The following DAAM1 variants were observed in gnomAD, a reference collection of about 807,000 sequenced individuals.
DAAM1 encodes disheveled-associated activator of morphogenesis 1.
Under a neutral mutation model 130.0 loss-of-function variants are expected in DAAM1, and 52 were observed. The ratio of observed to expected loss-of-function variants is 0.40; its 90% CI spans 0.32 to 0.50. The LOEUF (loss-of-function observed/expected upper bound fraction) is 0.50, where lower values mean the gene tolerates loss of function less well. Among genes scored for constraint, DAAM1 ranks in the 20% least tolerant of loss-of-function variants. The probability of loss-of-function intolerance (pLI) is 0.61; values close to 1 mark genes in which losing one functional copy is unlikely to be tolerated. For missense variants in DAAM1, 1,134 were observed against 1,303.8 expected (o/e 0.87, Z 2.01); for synonymous variants, 452 against 444.5 (o/e 1.02, Z -0.21).
chr14:59,300,978 T>C (rs538044907), intron 3 of DAAM1, among the ~76,000 whole-genome samples: 53 of 152,322 alleles, frequency 3.5e-4, no homozygotes, highest in Non-Finnish European at 6.3e-4. Context: ...CATGTAGTTA[T>C]TGAGTTGTTT....
chr14:59,363,526 G>A, intron 22 of DAAM1, 125 bp from the exon 23 acceptor site: 1 of 1,390,356 alleles, frequency 7.2e-7, no homozygotes, highest in Non-Finnish European at 9.7e-7. Flanking sequence ...AAATGTTTTA[G>A]AACAAGTTTT....
At chr14:59,198,143 A>T (rs750373546) in intron 1 of DAAM1, among the ~76,000 whole-genome samples, 5 of 151,664 alleles carry the variant, frequency 3.3e-5, no homozygotes, top group African/African-American at 1.2e-4. Flanking sequence ...GGGGACATTC[A>T]CATTGGGGCT....
At chr14:59,307,564 A>C (rs1884420787) in intron 3 of DAAM1, among the ~76,000 whole-genome samples, 1 of 152,186 alleles carries the variant, frequency 6.6e-6, no homozygotes, top group African/African-American at 2.4e-5. Context: ...TTTATTTTTG[A>C]ATACGTGATA....
At chr14:59,234,907 G>T (rs890244547) in intron 1 of DAAM1, among the ~76,000 whole-genome samples, 4 of 152,108 alleles carry the variant, frequency 2.6e-5, no homozygotes, top group East Asian at 1.9e-4. Context: ...TAATCATGTG[G>T]TTTTTTTCCT....
chr14:59,221,989 G>A (rs961337802), intron 1 of DAAM1, among the ~76,000 whole-genome samples: 2 of 152,190 alleles, frequency 1.3e-5, no homozygotes, highest in Non-Finnish European at 2.9e-5. Context: ...TGTCAGAGAA[G>A]CACTACCATA....
chr14:59,325,219 T>TA (rs1885162542), intron 8 of DAAM1, among the ~76,000 whole-genome samples: 1 of 152,188 alleles, frequency 6.6e-6, no homozygotes, highest in South Asian at 2.1e-4. Context: ...TTTGTCTTCA[T>TA]AAAATGTATC....
intron 3 of DAAM1, among the ~76,000 whole-genome samples, chr14:59,310,512 C>T (rs550423068): frequency 4.6e-5 from 7 of 152,194 alleles, no homozygotes; most frequent in African/African-American, 1.4e-4. Flanking sequence ...TATATGATTA[C>T]GGTTCACTTG....
intron 1 of DAAM1, among the ~76,000 whole-genome samples, chr14:59,253,150 G>A (rs192419276): frequency 6.6e-6 from 1 of 152,204 alleles, no homozygotes; most frequent in African/African-American, 2.4e-5. Context: ...ACAACAGAGG[G>A]GAGGCAAAAA....
At chr14:59,234,748 T>C (rs1889235870) in intron 1 of DAAM1, among the ~76,000 whole-genome samples, 1 of 152,218 alleles carries the variant, frequency 6.6e-6, no homozygotes, top group South Asian at 2.1e-4. Context: ...TTCAGTATGA[T>C]ATTGGTATGG....
intron 1 of DAAM1, among the ~76,000 whole-genome samples, chr14:59,214,025 G>A (rs1393959670): frequency 2.0e-5 from 3 of 152,262 alleles, no homozygotes; most frequent in East Asian, 1.9e-4. Context: ...CACACTTAAC[G>A]TACCTGGTTT....
intron 15 of DAAM1, among the ~76,000 whole-genome samples, chr14:59,338,701 T>A (rs1409364733): frequency 2.0e-5 from 3 of 152,116 alleles, no homozygotes; most frequent in Non-Finnish European, 4.4e-5. Context: ...GTTCTTTGGT[T>A]TCTTTACTTT....
At chr14:59,247,719 A>T (rs936179757) in intron 1 of DAAM1, among the ~76,000 whole-genome samples, 1 of 127,622 alleles carries the variant, frequency 7.8e-6, no homozygotes, top group Non-Finnish European at 1.9e-5. Context: ...AGCTCATGTT[A>T]AAAAAAAAAA....
At position 59,359,397 on chromosome 14, in the gene DAAM1, A is replaced by G; in HGVS notation, c.2526A>G (p.Lys842=). 7.5e-6 allele frequency: 12 copies of G among 1,606,078 alleles called. No individual in the cohort carries two copies. Among genetic ancestry groups the G allele is most frequent in the Non-Finnish European group, 1.0e-5 (12 of 1,173,392 alleles). The part of the protein sequence containing the change: ...KIADTKSSID[K]NITLLHYLIT... Reference sequence around the variant, plus strand: ...ATACTCTTCCCTTCTTCAATTGTAGAAACATTACCCTTTTGCACTATCTCA... The same window carrying G: ...ATACTCTTCCCTTCTTCAATTGTAGGAACATTACCCTTTTGCACTATCTCA... The change falls in exon 21 of 25, where the codon AAA becomes AAG. Residue 842 remains lysine, a splice_region_variant and synonymous_variant. Transcript: ENST00000360909.
chr14:59,360,100 A>G (rs1323675362), intron 21 of DAAM1, among the ~76,000 whole-genome samples: 2 of 152,092 alleles, frequency 1.3e-5, no homozygotes, highest in South Asian at 4.2e-4. Flanking sequence ...CCCTCTGTTC[A>G]TGGAATCTGG....
At chr14:59,267,905 T>TCC (rs201797966) in intron 2 of DAAM1, among the ~76,000 whole-genome samples, 792 of 57,996 alleles carry the variant, frequency 0.014, 13 homozygotes, top group African/African-American at 0.027. Flanking sequence ...CCCCCCCCTT[T>TCC]TTTTTTTTTT....
At chr14:59,367,117 G>A (rs967378894) in intron 23 of DAAM1, among the ~76,000 whole-genome samples, 6 of 151,858 alleles carry the variant, frequency 4.0e-5, no homozygotes, top group Admixed American at 2.6e-4. Flanking sequence ...GCAAAATCCT[G>A]ACTCTACTAA....
At chr14:59,266,407 G>A (rs1010682410) in intron 2 of DAAM1, among the ~76,000 whole-genome samples, 5 of 152,198 alleles carry the variant, frequency 3.3e-5, no homozygotes, top group African/African-American at 4.8e-5. Context: ...CGAGGAGCCC[G>A]TGTGGTGGTA....
chr14:59,237,662 T>C (rs76252081), intron 1 of DAAM1, among the ~76,000 whole-genome samples: 2 of 152,138 alleles, frequency 1.3e-5, no homozygotes, highest in African/African-American at 4.8e-5. Context: ...ATAGGCCTTA[T>C]TGCATCTAAT....
At chr14:59,197,253 T>C (rs1347761826) in intron 1 of DAAM1, among the ~76,000 whole-genome samples, 3 of 152,246 alleles carry the variant, frequency 2.0e-5, no homozygotes, top group African/African-American at 4.8e-5. Context: ...AACTCATTAT[T>C]AGTGGCTGCT....
Sources: gnomAD v4.1 joint callset for allele counts (sites outside exome capture counted in the v4.1 genomes callset) on GRCh38, gnomAD v4.1.1 for gene constraint, MANE v1.5 for transcripts, NCBI Gene and HGNC (gene_info 2026-07-23, HGNC 2026-07-21) for gene names.